Variants in FRY observed in about 807,000 individuals in gnomAD.
FRY encodes protein furry homolog.
Under a neutral mutation model 348.4 loss-of-function variants are expected in FRY, and 128 were observed. That is an observed-to-expected ratio of 0.37 (90% CI 0.32 to 0.43). The LOEUF (loss-of-function observed/expected upper bound fraction) is 0.43. Among genes scored for constraint, FRY ranks in the 20% least tolerant of loss-of-function variants. FRY has a pLI of 1.00. For missense variants in FRY, 2,736 were observed against 3,695.2 expected (o/e 0.74, Z 6.73); for synonymous variants, 1,370 against 1,374.7 (o/e 1.00, Z 0.08).
At chr13:32,235,666 C>T (rs1886190933) in intron 42 of FRY, among the ~76,000 whole-genome samples, 1 of 152,154 alleles carries the variant, frequency 6.6e-6, no homozygotes, top group African/African-American at 2.4e-5. Flanking sequence ...GCCTGCACAC[C>T]TACAGACACT....
intron 35 of FRY, among the ~76,000 whole-genome samples, chr13:32,213,827 G>A (rs1884821961): frequency 6.6e-6 from 1 of 152,220 alleles, no homozygotes. Context: ...AGAGGTTTTA[G>A]TGGTGCCTTT....
rs375324643 is a variant in FRY at position 32,131,719 on chromosome 13, G to C, written c.764G>C (p.Arg255Pro). ...KKFMAELKELRHKEQNPYVVQ... is the reference protein window; with the variant it reads ...KKFMAELKELPHKEQNPYVVQ... Reference sequence around the variant, plus strand: ...TTTATGGCGGAGCTAAAAGAATTACGGCACAAAGAGCAGAACCCATATGTG... The same window carrying C: ...TTTATGGCGGAGCTAAAAGAATTACCGCACAAAGAGCAGAACCCATATGTG... Residue 255 changes from arginine to proline, a missense_variant, in exon 8 of 61, where the codon CGG (arginine) becomes CCG (proline). Physicochemically the swap from Arg to Pro is moderately radical, Grantham distance 103. This residue lies in a region of FRY where 309 missense variants were observed against 418.1 expected (regional missense o/e 0.74). Transcript: ENST00000542859. The C allele has an allele frequency of 2.0e-5, 33 of 1,613,560 alleles. No individual in the cohort carries two copies. Among genetic ancestry groups the C allele is most frequent in the Non-Finnish European group, 1.3e-5 (15 of 1,179,636 alleles).
rs182712924 is a variant in FRY, at chr13:32,213,123, A to G, written c.4682+741A>G. On this transcript the variant is annotated intron_variant, in intron 35 of 60. Transcript: ENST00000542859. ...CCCTTTTACTTAAGAAATTAGTAAA[A>G]AGGATGAGATGCTCATGAATTCATA... is the stretch of plus-strand genomic sequence containing the variant. Among the ~76,000 whole-genome samples the G allele has an allele frequency of 9.8e-5, 15 of 152,356 alleles. No homozygotes were observed. In the East Asian group the frequency reaches 1.4e-3, roughly 14 times the overall value.
intron 11 of FRY, among the ~76,000 whole-genome samples, chr13:32,146,982 T>C (rs1288042348): frequency 6.6e-6 from 1 of 152,170 alleles, no homozygotes; most frequent in African/African-American, 2.4e-5. Context: ...AGAATTTGGG[T>C]TCCCTAGGGT....
intron 46 of FRY, among the ~76,000 whole-genome samples, chr13:32,241,836 A>G (rs965016116): frequency 6.6e-6 from 1 of 152,236 alleles, no homozygotes; most frequent in African/African-American, 2.4e-5. Context: ...AATTGTCACC[A>G]AAAAATTTAT....
intron 1 of FRY, among the ~76,000 whole-genome samples, chr13:32,072,788 T>C (rs1310260741): frequency 6.6e-6 from 1 of 152,244 alleles, no homozygotes; most frequent in South Asian, 2.1e-4. Flanking sequence ...ATCCCAGCTC[T>C]TGTTTACTAA....
At chr13:32,232,523 G>A (rs1055501219) in intron 41 of FRY, among the ~76,000 whole-genome samples, 1 of 152,224 alleles carries the variant, frequency 6.6e-6, no homozygotes, top group South Asian at 2.1e-4. Flanking sequence ...GTTCAGTGCA[G>A]GTGTTTGGCA....
At chr13:32,208,442 G>A (rs528454441) in intron 31 of FRY, among the ~76,000 whole-genome samples, 2 of 152,286 alleles carry the variant, frequency 1.3e-5, no homozygotes, top group African/African-American at 4.8e-5. Context: ...CCATTTTACC[G>A]ACAAGGGAAC....
intron 60 of FRY, 138 bp downstream of exon 60, chr13:32,294,708 C>A: frequency 1.4e-6 from 1 of 713,708 alleles, no homozygotes; most frequent in Non-Finnish European, 2.5e-6. Flanking sequence ...GCTGCCAAAC[C>A]AGAAACACTC....
chr13:32,196,250 G>A (rs2138305614), intron 29 of FRY, among the ~76,000 whole-genome samples: 1 of 152,234 alleles, frequency 6.6e-6, no homozygotes, highest in East Asian at 1.9e-4. Context: ...CTAAAGCAAA[G>A]AATTCTTGTA....
intron 28 of FRY, 69 bp from the exon 29 acceptor site, chr13:32,194,074 T>A (rs1477122718): frequency 6.9e-7 from 1 of 1,442,058 alleles, no homozygotes; most frequent in Non-Finnish European, 9.8e-7. Context: ...GACTAAGCTT[T>A]ATCTGTATCT....
chr13:32,148,687 A>G (rs1446018128), intron 13 of FRY, among the ~76,000 whole-genome samples: 1 of 152,184 alleles, frequency 6.6e-6, no homozygotes, highest in Non-Finnish European at 1.5e-5. Flanking sequence ...CTGTGTCTTT[A>G]TCTGTAAAAT....
intron 29 of FRY, among the ~76,000 whole-genome samples, chr13:32,197,192 G>A (rs920019053): frequency 6.6e-6 from 1 of 151,936 alleles, no homozygotes; most frequent in African/African-American, 2.4e-5. Context: ...AAATAATTTT[G>A]TTGGATTTAT....
chr13:32,136,849 A>T, intron 10 of FRY, 22 bp from the exon 11 acceptor site: 89 of 1,159,804 alleles, frequency 7.7e-5, no homozygotes, highest in Non-Finnish European at 1.0e-4. Context: ...TGATCCTGTG[A>T]CCTCCTCTCC....
intron 17 of FRY, among the ~76,000 whole-genome samples, chr13:32,167,079 G>A (rs1375445016): frequency 3.9e-5 from 6 of 152,196 alleles, no homozygotes; most frequent in East Asian, 1.9e-4. Flanking sequence ...TGAGAGCAAA[G>A]TTAGATGACG....
intron 3 of FRY, among the ~76,000 whole-genome samples, chr13:32,114,560 G>A (rs931633717): frequency 2.6e-5 from 4 of 152,022 alleles, no homozygotes; most frequent in South Asian, 2.1e-4. Flanking sequence ...CCACATGAAC[G>A]TTTAGTCATC....
chr13:32,133,552 TC>T (rs1157136425), intron 8 of FRY, among the ~76,000 whole-genome samples: 1 of 152,120 alleles, frequency 6.6e-6, no homozygotes, highest in East Asian at 1.9e-4. Context: ...ACTATAGAGC[TC>T]ATCTGTATAG....
chr13:32,168,137 T>A (rs1881854133), intron 17 of FRY, among the ~76,000 whole-genome samples: 1 of 152,172 alleles, frequency 6.6e-6, no homozygotes, highest in Non-Finnish European at 1.5e-5. Context: ...AAGCTGGAGA[T>A]GCAGGAGAGC....
chr13:32,115,378 T>G (rs1019331866), intron 3 of FRY, among the ~76,000 whole-genome samples: 6 of 152,214 alleles, frequency 3.9e-5, no homozygotes, highest in Non-Finnish European at 1.5e-5. Flanking sequence ...CTGGAATCAC[T>G]GCCATCACCT....
Sources: allele counts gnomAD v4.1 joint callset (sites outside exome capture counted in the v4.1 genomes callset), GRCh38; gene constraint gnomAD v4.1.1; regional missense constraint gnomAD v4.1.1; transcripts MANE v1.5; gene names NCBI Gene and HGNC (gene_info 2026-07-23, HGNC 2026-07-21).